The following GFOD1 variants were observed in gnomAD, a reference collection of about 807,000 sequenced individuals.
GFOD1 encodes glucose-fructose oxidoreductase domain-containing protein 1.
In GFOD1, 9 loss-of-function variants were observed where a neutral mutation model predicts 25.4. The ratio of observed to expected loss-of-function variants is 0.35; its 90% confidence interval spans 0.21 to 0.62. The LOEUF is 0.62. Ranked by LOEUF, GFOD1 falls within the 20% of genes least tolerant of loss-of-function variation. The pLI, the probability that GFOD1 is intolerant of heterozygous loss-of-function variation, is 0.72. For missense variants in GFOD1, 403 were observed against 556.9 expected (o/e 0.72, Z 2.78); for synonymous variants, 253 against 245.6 (o/e 1.03, Z -0.28).
intron 1 of GFOD1, among the ~76,000 whole-genome samples, chr6:13,403,983 G>C (rs1489965723): frequency 2.0e-5 from 3 of 152,086 alleles, no homozygotes; most frequent in Non-Finnish European, 4.4e-5. Context: ...GGCATTTTTG[G>C]CAGGAAAAAA....
At chr6:13,471,480 G>A (rs1188167910) in intron 1 of GFOD1, among the ~76,000 whole-genome samples, 1 of 152,172 alleles carries the variant, frequency 6.6e-6, no homozygotes, top group Non-Finnish European at 1.5e-5. Context: ...GGTGGAGCAG[G>A]GAGGGGCACT....
intron 1 of GFOD1, among the ~76,000 whole-genome samples, chr6:13,413,402 G>A (rs1410310550): frequency 1.3e-5 from 2 of 152,202 alleles, no homozygotes; most frequent in Admixed American, 6.5e-5. Context: ...CATGCACAAT[G>A]ACAAGTAATG....
chr6:13,386,563 C>T (rs1025710392), intron 1 of GFOD1, among the ~76,000 whole-genome samples: 7 of 152,308 alleles, frequency 4.6e-5, no homozygotes, highest in Admixed American at 3.9e-4. Context: ...GCTCCTGCAC[C>T]AGTGAACACC....
chr6:13,428,747 C>T (rs538185139), intron 1 of GFOD1, among the ~76,000 whole-genome samples: 4 of 152,256 alleles, frequency 2.6e-5, no homozygotes, highest in South Asian at 2.1e-4. Flanking sequence ...TGTACTTCTG[C>T]GGCCACTCTC....
chr6:13,466,179 G>T (rs886711485), intron 1 of GFOD1, among the ~76,000 whole-genome samples: 4 of 152,168 alleles, frequency 2.6e-5, no homozygotes, highest in Non-Finnish European at 5.9e-5. Flanking sequence ...GGATGCTTTG[G>T]TTATGTCACT....
intron 1 of GFOD1, among the ~76,000 whole-genome samples, chr6:13,409,051 C>T: frequency 7.0e-6 from 1 of 142,246 alleles, no homozygotes; most frequent in Non-Finnish European, 1.5e-5. Context: ...TGCCATTGCC[C>T]TCCAGCCTGG....
At chr6:13,429,996 T>G (rs531556243) in intron 1 of GFOD1, among the ~76,000 whole-genome samples, 1 of 152,320 alleles carries the variant, frequency 6.6e-6, no homozygotes, top group East Asian at 1.9e-4. Context: ...GAAATATATG[T>G]CCTTCCCCTT....
At chr6:13,485,962 A>AC in intron 1 of GFOD1, 1 of 926,360 alleles carries the variant, frequency 1.1e-6, no homozygotes, top group Non-Finnish European at 1.3e-6. Context: ...GCCTCTGAAA[A>AC]CATTCTAATA....
intron 1 of GFOD1, among the ~76,000 whole-genome samples, chr6:13,484,529 C>G (rs1758822901): frequency 6.6e-6 from 1 of 152,174 alleles, no homozygotes; most frequent in South Asian, 2.1e-4. Flanking sequence ...AAAACCTACC[C>G]TAAAAACATG....
chr6:13,394,290 T>C (rs138924116), intron 1 of GFOD1, among the ~76,000 whole-genome samples: 215 of 152,224 alleles, frequency 1.4e-3, no homozygotes, highest in African/African-American at 5.0e-3. Flanking sequence ...AGAATGTGCA[T>C]GGTATACTAT....
Position 13,436,405 on chromosome 6 carries a change from T to A in GFOD1, c.253+50233A>T, listed in dbSNP as rs141340790. 4.9e-3 allele frequency among the ~76,000 whole-genome samples: 749 copies of A among 152,318 alleles called. 8 individuals are homozygous for A. Among genetic ancestry groups the A allele is most frequent in the African/African-American group, 0.017 (720 of 41,568 alleles). On this transcript the variant is annotated intron_variant, in intron 1 of 1. Transcript: ENST00000379287. Reference sequence around the variant, plus strand: ...GTTTCTTATATATTCTCCTAGAATATCTATCTTTTAAACATAATTAACACA... The same window carrying A: ...GTTTCTTATATATTCTCCTAGAATAACTATCTTTTAAACATAATTAACACA...
intron 1 of GFOD1, among the ~76,000 whole-genome samples, chr6:13,410,042 CCT>C (rs1786046911): frequency 8.2e-6 from 1 of 121,348 alleles, no homozygotes. Context: ...GCAGGGTAAA[CCT>C]CTAAGGCCAA....
At chr6:13,416,235 T>C (rs1786160605) in intron 1 of GFOD1, among the ~76,000 whole-genome samples, 1 of 152,262 alleles carries the variant, frequency 6.6e-6, no homozygotes, top group Non-Finnish European at 1.5e-5. Context: ...CATGAAGAAC[T>C]GTGAGTCAAT....
intron 1 of GFOD1, among the ~76,000 whole-genome samples, chr6:13,465,241 T>C (rs929753569): frequency 1.3e-5 from 2 of 151,144 alleles, no homozygotes; most frequent in Admixed American, 1.3e-4. Context: ...ATGCAAAAAA[T>C]TTTCATAATG....
intron 1 of GFOD1, among the ~76,000 whole-genome samples, chr6:13,411,035 G>A (rs1786068331): frequency 6.6e-6 from 1 of 152,214 alleles, no homozygotes; most frequent in Non-Finnish European, 1.5e-5. Context: ...GAGGAGCCCA[G>A]CTCCTGCAAA....
chr6:13,393,476 C>T (rs1785657612), intron 1 of GFOD1, among the ~76,000 whole-genome samples: 1 of 151,492 alleles, frequency 6.6e-6, no homozygotes, highest in African/African-American at 2.4e-5. Flanking sequence ...GGACCACCGG[C>T]CAGTCCAGAG....
chr6:13,391,511 CAAA>C (rs57340590), intron 1 of GFOD1, among the ~76,000 whole-genome samples: 8 of 108,672 alleles, frequency 7.4e-5, no homozygotes, highest in African/African-American at 2.1e-4. Flanking sequence ...AACAAACAAA[CAAA>C]AAAAAAAAAA....
At position 13,372,138 on chromosome 6, in the gene GFOD1, G is replaced by A. The variant is rs140472844; in HGVS notation, c.254-6476C>T. On this transcript the variant is annotated intron_variant, in intron 1 of 1. Transcript: ENST00000379287. ...AGCTATCTGTCTTTAAAATGGTGGA[G>A]CTGAGAGATACCTTCCAACCTATGT... 2.7e-4 allele frequency among the ~76,000 whole-genome samples: 41 copies of A among 152,338 alleles called. 1 individual carries two copies. The East Asian group carries it at 3.5e-3, about 13-fold the overall frequency.
chr6:13,400,049 G>C (rs148464692), intron 1 of GFOD1, among the ~76,000 whole-genome samples: 1 of 151,306 alleles, frequency 6.6e-6, no homozygotes, highest in East Asian at 1.9e-4. Context: ...CTATACAACT[G>C]TGGGGATTCT....
Sources: gnomAD v4.1 joint callset for allele counts (sites outside exome capture counted in the v4.1 genomes callset) on GRCh38, gnomAD v4.1.1 for gene constraint, MANE v1.5 for transcripts, NCBI Gene and HGNC (gene_info 2026-07-23, HGNC 2026-07-21) for gene names.